DGCR2: variants seen among roughly 807,000 people sequenced by gnomAD.
DGCR2 encodes integral membrane protein DGCR2/IDD.
Under a neutral mutation model 51.6 loss-of-function variants are expected in DGCR2, and 24 were observed. The observed-to-expected ratio is 0.47, with a 90% CI of 0.34 to 0.65. DGCR2 has a LOEUF of 0.65. DGCR2 is among the 30% of genes least tolerant of loss of function. The pLI is 0.01. For missense variants in DGCR2, 765 were observed against 772.1 expected (o/e 0.99, Z 0.11); for synonymous variants, 340 against 315.4 (o/e 1.08, Z -0.82).
chr22:19,045,934 G>C (rs112913662), intron 7 of DGCR2, among the ~76,000 whole-genome samples: 2 of 152,038 alleles, frequency 1.3e-5, no homozygotes, highest in Non-Finnish European at 2.9e-5. Flanking sequence ...CACCATGTTG[G>C]CCATACTGGT....
chr22:19,090,039 A>C (rs1407026586), intron 1 of DGCR2, among the ~76,000 whole-genome samples: 1 of 152,242 alleles, frequency 6.6e-6, no homozygotes, highest in Non-Finnish European at 1.5e-5. Flanking sequence ...TTACGAACCT[A>C]TTACCTAGAG....
At chr22:19,053,099 C>T (rs2082566746) in intron 6 of DGCR2, among the ~76,000 whole-genome samples, 1 of 152,210 alleles carries the variant, frequency 6.6e-6, no homozygotes, top group Non-Finnish European at 1.5e-5. Flanking sequence ...CCTCCACTGC[C>T]CTGCTTCTAG....
intron 2 of DGCR2, among the ~76,000 whole-genome samples, chr22:19,072,805 C>T (rs2082830124): frequency 6.6e-6 from 1 of 152,086 alleles, no homozygotes. Flanking sequence ...ACCCGGGAGG[C>T]AGAGGTTGCA....
At chr22:19,053,991 G>A (rs2082575373) in intron 6 of DGCR2, among the ~76,000 whole-genome samples, 1 of 152,166 alleles carries the variant, frequency 6.6e-6, no homozygotes, top group African/African-American at 2.4e-5. Context: ...CAGGTCAACA[G>A]AAATTACTCA....
intron 5 of DGCR2, chr22:19,060,640 C>G (rs941052824): frequency 1.2e-5 from 3 of 243,624 alleles, no homozygotes; most frequent in Admixed American, 5.6e-5. Context: ...GATGATTCTC[C>G]CTACACAAGG....
chr22:19,107,632 A>G (rs371676071), intron 1 of DGCR2, among the ~76,000 whole-genome samples: 18 of 152,360 alleles, frequency 1.2e-4, no homozygotes, highest in Non-Finnish European at 8.8e-5. Flanking sequence ...AAGGGATCAT[A>G]TAAGATGAAA....
At chr22:19,100,758 G>A (rs2083192855) in intron 1 of DGCR2, among the ~76,000 whole-genome samples, 1 of 151,758 alleles carries the variant, frequency 6.6e-6, no homozygotes, top group African/African-American at 2.4e-5. Context: ...ACCCCAAAGA[G>A]CTTTTATTTA....
At chr22:19,044,886 G>A (rs1310007982) in intron 7 of DGCR2, among the ~76,000 whole-genome samples, 4 of 152,102 alleles carry the variant, frequency 2.6e-5, no homozygotes, top group African/African-American at 4.8e-5. Context: ...CCTTTGATCT[G>A]TGTTTTGCAA....
At position 19,065,083 on chromosome 22, in the gene DGCR2, G is replaced by A; in HGVS notation, c.329-16C>T. The A allele has an allele frequency of 6.2e-7, 1 of 1,610,762 alleles. No individual in the cohort carries two copies. Among genetic ancestry groups the A allele is most frequent in the Non-Finnish European group, 8.5e-7 (1 of 1,177,914 alleles). On this transcript the variant is annotated splice_polypyrimidine_tract_variant and intron_variant, in intron 3 of 9. Coordinates refer to ENST00000263196, the MANE Select transcript of DGCR2 (RefSeq NM_005137.3). ...CCTAGGAAACATAAAGGACAGAAGGGGAGTTGTCCCCCAAGTTAGGATCCA... is the reference window on the plus strand; with the variant it reads ...CCTAGGAAACATAAAGGACAGAAGGAGAGTTGTCCCCCAAGTTAGGATCCA...
chr22:19,048,380 C>A (rs1035013016), intron 7 of DGCR2, 60 bp downstream of exon 7: 7 of 1,586,040 alleles, frequency 4.4e-6, no homozygotes, highest in Non-Finnish European at 6.1e-6. Flanking sequence ...AGCAAAGGGA[C>A]GCCCAGCCTC....
At chr22:19,063,056 C>T (rs540174920) in intron 5 of DGCR2, 146 bp downstream of exon 5, 7 of 707,098 alleles carry the variant, frequency 9.9e-6, no homozygotes, top group African/African-American at 1.8e-5. Flanking sequence ...CCCATGACCG[C>T]AGCCCTCCCT....
At chr22:19,040,169 T>C (rs1029534092) in intron 9 of DGCR2, among the ~76,000 whole-genome samples, 2 of 152,176 alleles carry the variant, frequency 1.3e-5, no homozygotes, top group African/African-American at 4.8e-5. Flanking sequence ...CACCATCCCT[T>C]GCAGGAAGCT....
chr22:19,046,781 G>A, intron 7 of DGCR2: 1 of 439,330 alleles, frequency 2.3e-6, no homozygotes, highest in Non-Finnish European at 4.6e-6. Context: ...GAGGGCTGCA[G>A]CTGCTCTGGG....
intron 7 of DGCR2, among the ~76,000 whole-genome samples, chr22:19,044,285 T>C (rs528143687): frequency 1.3e-5 from 2 of 152,334 alleles, no homozygotes; most frequent in African/African-American, 2.4e-5. Context: ...GATCTCTCCA[T>C]GGAGTTCTGG....
At chr22:19,072,641 G>C (rs1051489172) in intron 2 of DGCR2, among the ~76,000 whole-genome samples, 1 of 151,156 alleles carries the variant, frequency 6.6e-6, no homozygotes, top group Non-Finnish European at 1.5e-5. Flanking sequence ...TGGGAGGCCC[G>C]AGGTGGGCAG....
At chr22:19,039,217 T>TTCC (rs1186414322) in intron 9 of DGCR2, 96 bp from the exon 10 acceptor site, 3 of 1,491,912 alleles carry the variant, frequency 2.0e-6, no homozygotes, top group Non-Finnish European at 2.7e-6. Flanking sequence ...TCCTCCTGCC[T>TTCC]GAAGGCCCCC....
intron 7 of DGCR2, 53 bp downstream of exon 7, chr22:19,048,387 C>G (rs1488878494): frequency 6.3e-7 from 1 of 1,599,656 alleles, no homozygotes; most frequent in Non-Finnish European, 8.6e-7. Flanking sequence ...GGACGCCCAG[C>G]CTCCAGCCCC....
intron 6 of DGCR2, among the ~76,000 whole-genome samples, chr22:19,051,188 C>CAAAAAAA (rs61277487): frequency 3.6e-5 from 2 of 54,854 alleles, no homozygotes; most frequent in African/African-American, 5.5e-5. Flanking sequence ...AATTCTGTCA[C>CAAAAAAA]AAAAAAAAAA....
chr22:19,066,463 TCAAGG>T (rs911580705), intron 3 of DGCR2, among the ~76,000 whole-genome samples: 3 of 151,982 alleles, frequency 2.0e-5, no homozygotes, highest in Non-Finnish European at 4.4e-5. Context: ...ATAAAAAATG[TCAAGG>T]CATCAGCTCT....
Sources: gnomAD v4.1 joint callset for allele counts (sites outside exome capture counted in the v4.1 genomes callset) on GRCh38, gnomAD v4.1.1 for gene constraint, MANE v1.5 for transcripts, NCBI Gene and HGNC (gene_info 2026-07-23, HGNC 2026-07-21) for gene names.